Variants in SGCZ observed in about 807,000 individuals in gnomAD.
SGCZ encodes the protein zeta-sarcoglycan.
In SGCZ, 40 loss-of-function variants were observed where a neutral mutation model predicts 41.3. The ratio of observed to expected loss-of-function variants is 0.97; its 90% confidence interval spans 0.75 to 1.26. SGCZ has a LOEUF of 1.26. Among genes scored for constraint, SGCZ ranks in the 50% most tolerant of loss-of-function variants. The pLI is 0.00. For synonymous variants in SGCZ, 206 were observed against 137.5 expected, an observed-to-expected ratio of 1.50 and a Z score of -3.49; for missense variants, 552 against 369.8, an observed-to-expected ratio of 1.49 and a Z score of -4.04.
chr8:14,696,607 C>T (rs1484783470), intron 1 of SGCZ, among the ~76,000 whole-genome samples: 1 of 152,008 alleles, frequency 6.6e-6, no homozygotes, highest in Non-Finnish European at 1.5e-5. Context: ...TTATTTTCAA[C>T]ATTTATCGTT....
chr8:14,813,184 T>G (rs1801785930), intron 1 of SGCZ, among the ~76,000 whole-genome samples: 1 of 152,236 alleles, frequency 6.6e-6, no homozygotes, highest in Non-Finnish European at 1.5e-5. Context: ...TTTGTTTTAA[T>G]GCATAAAATG....
At chr8:14,442,969 A>G (rs1800316455) in intron 2 of SGCZ, among the ~76,000 whole-genome samples, 2 of 152,178 alleles carry the variant, frequency 1.3e-5, no homozygotes, top group South Asian at 4.1e-4. Flanking sequence ...AAGTCTCAGG[A>G]TACAAAATCA....
At chr8:14,671,446 T>A (rs927677080) in intron 1 of SGCZ, among the ~76,000 whole-genome samples, 2 of 152,312 alleles carry the variant, frequency 1.3e-5, no homozygotes, top group Middle Eastern at 3.4e-3. Context: ...TATTACATAT[T>A]CAATGCTGCC....
At position 15,093,507 on chromosome 8, in the gene SGCZ, T is replaced by C. The variant is rs116712512; in HGVS notation, c.39+144078A>G. 8.3e-3 allele frequency among the ~76,000 whole-genome samples: 1,260 copies of C among 152,318 alleles called. 15 individuals carry two copies. Among genetic ancestry groups the C allele is most frequent in the African/African-American group, 0.029 (1,216 of 41,576 alleles). ...AACAGTTGCTTAGAAAAGGGTCTCA[T>C]TGTTTTTATTTTTTTCATTTATATT... On this transcript the variant is annotated intron_variant, in intron 1 of 7. Transcript: ENST00000382080.
intron 2 of SGCZ, among the ~76,000 whole-genome samples, chr8:14,347,103 C>T (rs1802913510): frequency 6.6e-6 from 1 of 151,998 alleles, no homozygotes; most frequent in South Asian, 2.1e-4. Flanking sequence ...TACAATTTCC[C>T]ATTAACATTC....
chr8:15,197,599 G>A (rs2117125908), intron 1 of SGCZ, among the ~76,000 whole-genome samples: 1 of 152,226 alleles, frequency 6.6e-6, no homozygotes, highest in East Asian at 1.9e-4. Context: ...GGTAAATTCA[G>A]CTTGAAAATC....
intron 3 of SGCZ, among the ~76,000 whole-genome samples, chr8:14,301,074 T>TCATCAC (rs1437956523): frequency 6.6e-6 from 1 of 151,596 alleles, no homozygotes; most frequent in Non-Finnish European, 1.5e-5. Flanking sequence ...ATCATCATCA[T>TCATCAC]CATCATCATC....
intron 2 of SGCZ, among the ~76,000 whole-genome samples, chr8:14,546,554 T>C (rs966203863): frequency 4.6e-5 from 7 of 152,164 alleles, no homozygotes; most frequent in Admixed American, 1.3e-4. Flanking sequence ...AACTCATAAA[T>C]GTAGTCATAC....
At chr8:15,114,027 C>A (rs555974874) in intron 1 of SGCZ, among the ~76,000 whole-genome samples, 65 of 152,276 alleles carry the variant, frequency 4.3e-4, no homozygotes, top group South Asian at 8.3e-4. Flanking sequence ...TGGTATCTTT[C>A]CCTCCTTTTG....
chr8:14,879,236 GA>G (rs1395549070), intron 1 of SGCZ: 1 of 152,174 alleles, frequency 6.6e-6, no homozygotes, highest in Non-Finnish European at 1.5e-5. Flanking sequence ...GCTGAGGAGG[GA>G]GGATCTCTTA....
intron 1 of SGCZ, among the ~76,000 whole-genome samples, chr8:15,206,512 C>T (rs995728742): frequency 6.6e-6 from 1 of 150,444 alleles, no homozygotes; most frequent in African/African-American, 2.4e-5. Context: ...GTACATGGCA[C>T]CATCTTGGCT....
At chr8:15,013,728 T>G (rs1275426995) in intron 1 of SGCZ, among the ~76,000 whole-genome samples, 7 of 152,210 alleles carry the variant, frequency 4.6e-5, no homozygotes, top group African/African-American at 1.7e-4. Flanking sequence ...CATTGCAGAA[T>G]TGTTTATGTA....
chr8:14,748,588 G>C (rs1444393548), intron 1 of SGCZ, among the ~76,000 whole-genome samples: 1 of 152,084 alleles, frequency 6.6e-6, no homozygotes, highest in Non-Finnish European at 1.5e-5. Flanking sequence ...TTCTCTGCCA[G>C]AAAAATATAT....
chr8:14,756,269 T>G (rs1418942414), intron 1 of SGCZ, among the ~76,000 whole-genome samples: 1 of 150,730 alleles, frequency 6.6e-6, no homozygotes, highest in Non-Finnish European at 1.5e-5. Flanking sequence ...CACCACAATC[T>G]CCGCCTCCCA....
intron 2 of SGCZ, among the ~76,000 whole-genome samples, chr8:14,443,661 C>G (rs1800342097): frequency 6.6e-6 from 1 of 152,048 alleles, no homozygotes; most frequent in Admixed American, 6.6e-5. Flanking sequence ...AAAATTAATT[C>G]AAGATGGATT....
intron 4 of SGCZ, among the ~76,000 whole-genome samples, chr8:14,233,218 G>C (rs1806635263): frequency 6.6e-6 from 1 of 151,598 alleles, no homozygotes; most frequent in South Asian, 2.1e-4. Context: ...CATGAGAAAG[G>C]AAAATAAAAT....
At chr8:14,818,850 A>G (rs1006449495) in intron 1 of SGCZ, among the ~76,000 whole-genome samples, 2 of 152,084 alleles carry the variant, frequency 1.3e-5, no homozygotes, top group South Asian at 2.1e-4. Flanking sequence ...TTTTGAAGAC[A>G]GGATTTTAAA....
At chr8:14,529,046 C>T (rs1803045216) in intron 2 of SGCZ, among the ~76,000 whole-genome samples, 1 of 152,014 alleles carries the variant, frequency 6.6e-6, no homozygotes, top group Non-Finnish European at 1.5e-5. Context: ...ATATTTCTCT[C>T]CTTCATACTG....
intron 2 of SGCZ, among the ~76,000 whole-genome samples, chr8:14,332,396 G>A (rs998541449): frequency 2.6e-5 from 4 of 152,048 alleles, no homozygotes; most frequent in South Asian, 2.1e-4. Flanking sequence ...AGCCGAGATC[G>A]CGCCACTGCA....
Sources: gnomAD v4.1 joint callset for allele counts (sites outside exome capture counted in the v4.1 genomes callset) on GRCh38, gnomAD v4.1.1 for gene constraint, MANE v1.5 for transcripts, NCBI Gene and HGNC (gene_info 2026-07-23, HGNC 2026-07-21) for gene names.